Variants in MKLN1 observed in about 807,000 individuals in gnomAD.
MKLN1 encodes the protein muskelin.
Under a neutral mutation model 99.0 loss-of-function variants are expected in MKLN1, and 18 were observed. That is an observed-to-expected ratio of 0.18 (90% CI 0.13 to 0.27). The LOEUF is 0.27. MKLN1 is among the 10% of genes least tolerant of loss of function. The pLI is 1.00. For missense variants in MKLN1, 621 were observed against 875.9 expected, an observed-to-expected ratio of 0.71 and a Z score of 3.67; for synonymous variants, 288 against 293.2, an observed-to-expected ratio of 0.98 and a Z score of 0.18.
chr7:131,214,566 T>C (rs1796951572), intron 3 of MKLN1, among the ~76,000 whole-genome samples: 1 of 152,220 alleles, frequency 6.6e-6, no homozygotes, highest in South Asian at 2.1e-4. Context: ...ATGATGCTGC[T>C]GTGCTGTTGA....
chr7:131,455,989 T>C (rs1796324247), intron 12 of MKLN1, among the ~76,000 whole-genome samples: 1 of 151,858 alleles, frequency 6.6e-6, no homozygotes, highest in South Asian at 2.1e-4. Flanking sequence ...GAGGTTGCAG[T>C]GAACTGAATT....
intron 9 of MKLN1, among the ~76,000 whole-genome samples, chr7:131,434,047 G>A (rs1795606784): frequency 6.6e-6 from 1 of 151,880 alleles, no homozygotes; most frequent in Non-Finnish European, 1.5e-5. Flanking sequence ...AGACCCACCT[G>A]GCTAATTTTT....
At chr7:131,398,510 A>G (rs543467049) in intron 5 of MKLN1, among the ~76,000 whole-genome samples, 5 of 152,220 alleles carry the variant, frequency 3.3e-5, no homozygotes, top group African/African-American at 9.6e-5. Flanking sequence ...CCTGACCAAC[A>G]TGGTGAAACC....
intron 3 of MKLN1, among the ~76,000 whole-genome samples, chr7:131,283,432 CTT>C (rs755106012): frequency 3.2e-5 from 4 of 123,198 alleles, no homozygotes; most frequent in Non-Finnish European, 7.0e-5. Context: ...TCTTTCTTCT[CTT>C]TTTTTTTTTT....
intron 1 of MKLN1, among the ~76,000 whole-genome samples, chr7:131,369,571 T>C (rs1290765135): frequency 1.3e-5 from 2 of 152,222 alleles, no homozygotes. Flanking sequence ...TCTTATCAAG[T>C]GTAACAGCAT....
intron 17 of MKLN1, among the ~76,000 whole-genome samples, chr7:131,486,984 C>T (rs1797299286): frequency 6.6e-6 from 1 of 152,084 alleles, no homozygotes; most frequent in Non-Finnish European, 1.5e-5. Flanking sequence ...GGGCCTGGTA[C>T]ATAGTAGCAT....
intron 5 of MKLN1, 42 bp from the exon 6 acceptor site, chr7:131,399,199 A>C (rs1240706626): frequency 6.5e-7 from 1 of 1,542,470 alleles, no homozygotes; most frequent in Non-Finnish European, 9.0e-7. Context: ...AGTATCATCT[A>C]ACCAAATCTC....
At position 131,190,425 on chromosome 7, in the gene MKLN1, C is replaced by T. The variant is rs1796517581; in HGVS notation, c.-296-12432C>T. On this transcript the variant is annotated intron_variant, in intron 2 of 7. Transcript: ENST00000416992. ...AGCAGAACAGCAGCCCTCGATGCTG[C>T]AATTGGAAATTTCCATTCTTTGCTT... Among the ~76,000 whole-genome samples, 3 of 148,044 alleles carry T rather than the reference C, an allele frequency of 2.0e-5. No homozygotes were observed. The South Asian group carries it at 6.4e-4, about 31-fold the overall frequency.
At chr7:131,371,745 A>G (rs1793469996) in intron 1 of MKLN1, among the ~76,000 whole-genome samples, 1 of 146,998 alleles carries the variant, frequency 6.8e-6, no homozygotes, top group Non-Finnish European at 1.5e-5. Flanking sequence ...AATACTTTAC[A>G]TTATACTTGA....
chr7:131,222,986 G>A (rs1030183915), intron 3 of MKLN1, among the ~76,000 whole-genome samples: 6 of 152,046 alleles, frequency 3.9e-5, no homozygotes, highest in Admixed American at 1.3e-4. Flanking sequence ...AGGTTGCAGA[G>A]ATCACGCCAC....
At chr7:131,379,140 T>C (rs986781728) in intron 2 of MKLN1, among the ~76,000 whole-genome samples, 1 of 152,134 alleles carries the variant, frequency 6.6e-6, no homozygotes, top group African/African-American at 2.4e-5. Flanking sequence ...TTTAAAGTGA[T>C]TGTGGATGAA....
At chr7:131,286,914 T>A (rs1798139978) in intron 3 of MKLN1, among the ~76,000 whole-genome samples, 2 of 152,244 alleles carry the variant, frequency 1.3e-5, no homozygotes, top group Non-Finnish European at 2.9e-5. Context: ...GAGACCAGCC[T>A]GGGAAACATA....
At chr7:131,114,459 A>G (rs189849811) in intron 1 of MKLN1, among the ~76,000 whole-genome samples, 32 of 152,318 alleles carry the variant, frequency 2.1e-4, no homozygotes, top group Middle Eastern at 3.4e-3. Flanking sequence ...GAAATCCCCA[A>G]GAGAAGGCAT....
intron 1 of MKLN1, chr7:131,328,218 T>G (rs1584607814): frequency 1.8e-6 from 1 of 561,912 alleles, no homozygotes; most frequent in South Asian, 2.3e-5. Flanking sequence ...AGGGGCGAGG[T>G]GTGTGGCGGA....
chr7:131,264,208 A>T (rs1485928423), intron 3 of MKLN1, among the ~76,000 whole-genome samples: 1 of 152,172 alleles, frequency 6.6e-6, no homozygotes, highest in African/African-American at 2.4e-5. Flanking sequence ...ACACTTTGGG[A>T]ATTCAGATAC....
intron 3 of MKLN1, among the ~76,000 whole-genome samples, chr7:131,267,598 A>T (rs1797828224): frequency 6.6e-6 from 1 of 152,110 alleles, no homozygotes; most frequent in Admixed American, 6.6e-5. Context: ...TAGAGAGTTG[A>T]CCAGTAGATT....
At chr7:131,317,190 A>C (rs1798684649) in intron 3 of MKLN1, among the ~76,000 whole-genome samples, 1 of 152,244 alleles carries the variant, frequency 6.6e-6, no homozygotes, top group Non-Finnish European at 1.5e-5. Flanking sequence ...AAAAAATGTT[A>C]AGGGCAGACA....
intron 3 of MKLN1, among the ~76,000 whole-genome samples, chr7:131,298,235 C>G (rs896452837): frequency 4.0e-5 from 6 of 151,588 alleles, no homozygotes; most frequent in Admixed American, 3.9e-4. Context: ...GACGCCACTG[C>G]ACTCCAGCCT....
At chr7:131,364,141 T>C (rs962808189) in intron 1 of MKLN1, among the ~76,000 whole-genome samples, 43 of 152,268 alleles carry the variant, frequency 2.8e-4, no homozygotes, top group African/African-American at 9.9e-4. Flanking sequence ...GCTGGAGATA[T>C]TAAAAATTGA....
Sources: allele counts gnomAD v4.1 joint callset (sites outside exome capture counted in the v4.1 genomes callset), GRCh38; gene constraint gnomAD v4.1.1; transcripts MANE v1.5; gene names NCBI Gene and HGNC (gene_info 2026-07-23, HGNC 2026-07-21).